REV1: variants seen among roughly 807,000 people sequenced by gnomAD.
REV1 encodes the protein REV1 DNA directed polymerase.
Under a neutral mutation model 137.4 loss-of-function variants are expected in REV1, and 42 were observed. The ratio of observed to expected loss-of-function variants is 0.31; its 90% CI spans 0.24 to 0.40. The LOEUF is 0.40. REV1 is among the 10% of genes least tolerant of loss of function. The probability of loss-of-function intolerance (pLI) is 1.00; values close to 1 mark genes in which losing one functional copy is unlikely to be tolerated. For synonymous variants in REV1, 524 were observed against 519.2 expected (o/e 1.01, Z -0.12); for missense variants, 1,282 against 1,490.1 (o/e 0.86, Z 2.30).
intron 21 of REV1, 51 bp downstream of exon 21, chr2:99,402,593 A>G: frequency 1.3e-6 from 2 of 1,539,272 alleles, no homozygotes; most frequent in Non-Finnish European, 1.8e-6. Context: ...TTCTCAAATC[A>G]TGAGACGACT....
intron 11 of REV1, among the ~76,000 whole-genome samples, chr2:99,421,290 A>G (rs1262773188): frequency 6.6e-6 from 1 of 152,132 alleles, no homozygotes; most frequent in Non-Finnish European, 1.5e-5. Context: ...AGAATAAGTA[A>G]GAAATATTCT....
intron 9 of REV1, among the ~76,000 whole-genome samples, chr2:99,428,572 A>G (rs550858353): frequency 5.5e-4 from 84 of 152,324 alleles, no homozygotes; most frequent in African/African-American, 1.9e-3. Context: ...ATGCTTTTTA[A>G]CTTAAATATA....
At chr2:99,487,283 T>C (rs1200537059) in intron 1 of REV1, among the ~76,000 whole-genome samples, 1 of 49,912 alleles carries the variant, frequency 2.0e-5, no homozygotes, top group Non-Finnish European at 4.5e-5. Flanking sequence ...GATTCAAATG[T>C]AAGTGGTTCA....
chr2:99,447,806 C>T (rs558538081), intron 4 of REV1, among the ~76,000 whole-genome samples: 1 of 151,648 alleles, frequency 6.6e-6, no homozygotes, highest in African/African-American at 2.4e-5. Flanking sequence ...TGGAGCCTCC[C>T]ATCTCCTGGG....
intron 3 of REV1, chr2:99,451,426 T>A (rs1361634299): frequency 1.5e-6 from 2 of 1,303,656 alleles, no homozygotes; most frequent in South Asian, 2.5e-5. Flanking sequence ...CTGGATGAAG[T>A]TAAGAGGGCT....
intron 10 of REV1, among the ~76,000 whole-genome samples, chr2:99,422,662 A>G (rs1678838053): frequency 6.6e-6 from 1 of 152,162 alleles, no homozygotes; most frequent in Non-Finnish European, 1.5e-5. Flanking sequence ...TGAAGCTGAG[A>G]TAGGATTTCC....
intron 3 of REV1, 85 bp downstream of exon 3, chr2:99,462,411 G>A: frequency 1.6e-6 from 2 of 1,238,632 alleles, no homozygotes; most frequent in Non-Finnish European, 1.1e-6. Context: ...TATAATAAAT[G>A]AGTAAAAATA....
chr2:99,465,233 T>G (rs1684665693), intron 1 of REV1, among the ~76,000 whole-genome samples: 1 of 152,228 alleles, frequency 6.6e-6, no homozygotes, highest in Non-Finnish European at 1.5e-5. Context: ...TAGAAAAATA[T>G]CTTTATGCAT....
chr2:99,462,690 A>C, intron 2 of REV1, 68 bp from the exon 3 acceptor site: 1 of 1,513,040 alleles, frequency 6.6e-7, no homozygotes, highest in South Asian at 1.2e-5. Context: ...TGAAAAAAAA[A>C]AATTTTAAAA....
intron 4 of REV1, among the ~76,000 whole-genome samples, chr2:99,443,165 C>T (rs762929287): frequency 3.9e-5 from 6 of 152,182 alleles, no homozygotes; most frequent in Non-Finnish European, 5.9e-5. Flanking sequence ...GGCTACTCTA[C>T]CTTTAAAATT....
In REV1 at chr2:99,412,848, G is replaced by A; in HGVS notation, c.2055C>T (p.Pro685=). Residue 685 remains proline (P), a synonymous_variant, in exon 13 of 23, where the codon CCC becomes CCT. Coordinates refer to ENST00000258428, the MANE Select transcript of REV1 (RefSeq NM_016316.4). The stretch of plus-strand genomic sequence containing the variant: ...ACCTATAAAGCATCTGACCTGTTTT[G>A]GGACCAAATTCTTTTTGGAGTTTTG... ...TMAKLQKEFG[P]KTGQMLYRFC... The A allele has an allele frequency of 6.2e-7, 1 of 1,614,064 alleles. No homozygotes were observed. The highest frequency in any genetic ancestry group is 8.5e-7 in the Non-Finnish European group (1 of 1,179,970).
intron 1 of REV1, among the ~76,000 whole-genome samples, 162 bp downstream of exon 1, chr2:99,489,655 C>T (rs1407066417): frequency 6.7e-6 from 1 of 149,294 alleles, no homozygotes; most frequent in Admixed American, 6.7e-5. Flanking sequence ...CAGGCCGCGA[C>T]AGGACGGCCG....
In REV1 at chr2:99,403,036, G is replaced by A. The variant is rs1278501395; in HGVS notation, c.3237C>T (p.Thr1079=). Residue 1079 remains threonine (T), a synonymous_variant, in exon 20 of 23, where the codon ACC becomes ACT. Transcript: ENST00000258428. The part of the protein sequence containing the change: ...KEKKRNKKKK[T]IGSPKRIQSP... ...TCTGAATCCTTTTTGGTGAACCAAT[G>A]GTTTTTTTCTTCTTGTTTCTTTTCT... 1 of 1,613,922 alleles carries A rather than the reference G, an allele frequency of 6.2e-7. No homozygotes were observed. The highest frequency in any genetic ancestry group is 1.1e-5 in the South Asian group (1 of 91,066).
At chr2:99,431,681 C>T (rs1680153259) in intron 8 of REV1, 1 of 971,880 alleles carries the variant, frequency 1.0e-6, no homozygotes. Flanking sequence ...GTCCATGCGC[C>T]CCCAGTGCCC....
intron 1 of REV1, among the ~76,000 whole-genome samples, chr2:99,471,590 A>C (rs1685415262): frequency 6.6e-6 from 1 of 152,194 alleles, no homozygotes; most frequent in South Asian, 2.1e-4. Flanking sequence ...ACTTCTGTGA[A>C]TCACAGGGCA....
chr2:99,459,942 T>C (rs537171485), intron 3 of REV1, among the ~76,000 whole-genome samples: 20 of 152,118 alleles, frequency 1.3e-4, no homozygotes, highest in Non-Finnish European at 2.6e-4. Flanking sequence ...TCAAGAACAC[T>C]TGGATTATTA....
At chr2:99,402,561 T>G in intron 21 of REV1, 83 bp downstream of exon 21, 2 of 1,343,522 alleles carry the variant, frequency 1.5e-6, no homozygotes, top group Non-Finnish European at 2.1e-6. Flanking sequence ...GGGTTAAATC[T>G]GCATAGTTTA....
intron 5 of REV1, among the ~76,000 whole-genome samples, chr2:99,441,451 A>T (rs1559354779): frequency 6.6e-6 from 1 of 152,148 alleles, no homozygotes; most frequent in African/African-American, 2.4e-5. Flanking sequence ...CCAGGGTTGC[A>T]ATTAAAAGCT....
intron 12 of REV1, among the ~76,000 whole-genome samples, chr2:99,414,388 T>C (rs932782988): frequency 2.0e-5 from 3 of 152,092 alleles, no homozygotes; most frequent in Admixed American, 6.5e-5. Flanking sequence ...TCGTTCACAA[T>C]TGTGCCATTT....
Sources: gnomAD v4.1 joint callset for allele counts (sites outside exome capture counted in the v4.1 genomes callset) on GRCh38, gnomAD v4.1.1 for gene constraint, MANE v1.5 for transcripts, NCBI Gene and HGNC (gene_info 2026-07-23, HGNC 2026-07-21) for gene names.